NYNRIN: variants seen among roughly 807,000 people sequenced by gnomAD.
NYNRIN encodes NYN domain and retroviral integrase containing, also known as protein NYNRIN.
A neutral mutation model predicts 146.6 loss-of-function variants in NYNRIN; 86 were observed. The observed-to-expected ratio is 0.59, with a 90% confidence interval of 0.49 to 0.70. NYNRIN has a LOEUF of 0.70. NYNRIN is among the 30% of genes least tolerant of loss of function. The pLI is 0.00. For synonymous variants in NYNRIN, 1,027 were observed against 1,001.3 expected (o/e 1.03, Z -0.48); for missense variants, 2,191 against 2,377.7 (o/e 0.92, Z 1.63).
At position 24,409,090 on chromosome 14, in the gene NYNRIN, T is replaced by C; in HGVS notation, c.1296T>C (p.Gly432=). The C allele has an allele frequency of 6.2e-7, 1 of 1,613,678 alleles. No individual in the cohort carries two copies. Among genetic ancestry groups the C allele is most frequent in the South Asian group, 1.1e-5 (1 of 91,024 alleles). The change falls in exon 4 of 9, where the codon GGT becomes GGC. Residue 432 remains glycine (G), a synonymous_variant. Coordinates refer to ENST00000382554, the MANE Select transcript of NYNRIN (RefSeq NM_025081.3). ...APLPSAESPA[G]RPDGGLGGEA... is the part of the protein sequence containing the mutation. Reference sequence around the variant, plus strand: ...TGCCTAGTGCAGAAAGCCCAGCTGGTAGACCAGATGGGGGGCTGGGAGGAG... The same window carrying C: ...TGCCTAGTGCAGAAAGCCCAGCTGGCAGACCAGATGGGGGGCTGGGAGGAG...
chr14:24,408,564 T>C, intron 3 of NYNRIN, 37 bp downstream of exon 3: 1 of 1,542,148 alleles, frequency 6.5e-7, no homozygotes. Context: ...TCTCTGATCC[T>C]ACCCCTGCTC....
rs778031035 is a variant in NYNRIN, at chr14:24,399,366, C to T, written c.120C>T (p.Asn40=). ...AGCGCATCTTTAGGGTCAAGCTGAA[C>T]GCCTTCCAGAGCCGCCCGGACACCC... ...QVQRIFRVKL[N]AFQSRPDTPY... The change falls in exon 2 of 9, where the codon AAC becomes AAT. Residue 40 remains asparagine, a synonymous_variant. Coordinates refer to ENST00000382554, the MANE Select transcript of NYNRIN (RefSeq NM_025081.3). 6.2e-7 allele frequency: 1 copy of T among 1,613,854 alleles called. No individual in the cohort carries two copies. Among genetic ancestry groups the T allele is most frequent in the East Asian group, 2.2e-5 (1 of 44,868 alleles).
intron 2 of NYNRIN, among the ~76,000 whole-genome samples, chr14:24,401,297 C>T (rs2042841694): frequency 6.6e-6 from 1 of 152,206 alleles, no homozygotes; most frequent in Non-Finnish European, 1.5e-5. Context: ...CCCCCTTTGT[C>T]TTCCCTTTGG....
In NYNRIN at chr14:24,408,125, G is replaced by A. The variant is rs757243958; in HGVS notation, c.455G>A (p.Arg152Gln). ...GGCCCTGCCCCTCTGCTGACCCCCC[G>A]GGGGATCTGGGAGGCTGAGGTGACC... ...RWGPAPLLTP[R>Q]GIWEAEVTRA... Residue 152 changes from arginine (R) to glutamine (Q), a missense_variant, in exon 3 of 9, where the codon CGG becomes CAG. Physicochemically the swap from Arg to Gln is conservative, Grantham distance 43 (BLOSUM62 1). Transcript: ENST00000382554. 27 of 1,609,090 alleles carry A rather than the reference G, an allele frequency of 1.7e-5. No homozygotes were observed. Among genetic ancestry groups the A allele is most frequent in the Admixed American group, 6.7e-5 (4 of 59,716 alleles).
In NYNRIN at chr14:24,408,407, A is replaced by C; in HGVS notation, c.737A>C (p.Asp246Ala). 1 of 1,613,772 alleles carries C rather than the reference A, an allele frequency of 6.2e-7. No homozygotes were observed. The highest frequency in any genetic ancestry group is 8.5e-7 in the Non-Finnish European group (1 of 1,179,854). ...GGAGAGAGTCCTGGACCCTTTGTGG[A>C]CATGGGGACCCTCCAGAACAGGGGC... ...SVGESPGPFV[D>A]MGTLQNRGPE... Residue 246 changes from aspartate to alanine, a missense_variant, in exon 3 of 9, where the codon GAC (aspartate) becomes GCC (alanine). Asp to Ala is a moderately radical substitution (Grantham distance 126). Around this residue, in one of 3 missense-constraint regions of NYNRIN, gnomAD observed 895 missense variants for 941.2 expected, o/e 0.95. Coordinates refer to ENST00000382554, the MANE Select transcript of NYNRIN (RefSeq NM_025081.3).
Position 24,407,892 on chromosome 14 carries a change from C to T in NYNRIN, c.222C>T (p.Ser74=). 8 of 1,612,982 alleles carry T rather than the reference C, an allele frequency of 5.0e-6. No homozygotes were observed. The highest frequency in any genetic ancestry group is 6.8e-6 in the Non-Finnish European group (8 of 1,179,302). Residue 74 remains serine (S), a synonymous_variant, in exon 3 of 9, where the codon AGC becomes AGT. Coordinates refer to ENST00000382554, the MANE Select transcript of NYNRIN (RefSeq NM_025081.3). ...AGGAATACCTGAAGGGCCTGTGCAG[C>T]CCAGAGCTGTGGAAAGAGGTTCGCT... is the stretch of plus-strand genomic sequence containing the variant. ...KAKEYLKGLC[S]PELWKEVRYP... is the part of the protein sequence containing the mutation.
rs747732530 is a variant in NYNRIN, at chr14:24,411,255, TTC to T, written c.2545+55_2545+56del. 2 of 1,611,644 alleles carry T rather than the reference TTC, an allele frequency of 1.2e-6. No individual in the cohort carries two copies. Among genetic ancestry groups the T allele is most frequent in the Non-Finnish European group, 1.7e-6 (2 of 1,178,888 alleles). ...GCCTCCACAGTGTCACCAAGCTTTC[TTC>T]TCTCTGCCTTGCTGCCCCGACCCTC... On this transcript the variant is annotated intron_variant, in intron 5 of 8. Coordinates refer to ENST00000382554, the MANE Select transcript of NYNRIN (RefSeq NM_025081.3). The surrounding 1 kb of genome is among the most constrained non-coding windows in gnomAD (Gnocchi z 4.3).
Position 24,410,146 on chromosome 14 carries a change from A to G in NYNRIN, c.2352A>G (p.Ser784=). 6.2e-7 allele frequency: 1 copy of G among 1,613,042 alleles called. No homozygotes were observed. The highest frequency in any genetic ancestry group is 8.5e-7 in the Non-Finnish European group (1 of 1,179,278). ...ATACACCCTTCGAGCTGAACCTGTC[A>G]GGGGAACCTGGAAACCAGGGGTTGC... The part of the protein sequence containing the change: ...ALNTPFELNL[S]GEPGNQGLRR... The change falls in exon 4 of 9, where the codon TCA becomes TCG. Residue 784 remains serine (S), a synonymous_variant. Transcript: ENST00000382554.
intron 2 of NYNRIN, 105 bp from the exon 3 acceptor site, chr14:24,407,764 G>A: frequency 1.9e-6 from 2 of 1,071,770 alleles, no homozygotes; most frequent in Non-Finnish European, 2.7e-6. Context: ...TGGTAGTGGT[G>A]GGGCCACATG....
chr14:24,409,258 A>T lies in NYNRIN; in HGVS notation c.1464A>T (p.Gln488His), dbSNP rs2042895609. 6.2e-7 allele frequency: 1 copy of T among 1,613,892 alleles called. No homozygotes were observed. The highest frequency in any genetic ancestry group is 1.3e-5 in the African/African-American group (1 of 74,944). The change falls in exon 4 of 9, where the codon CAA becomes CAT. Residue 488 changes from glutamine to histidine, a missense_variant. By Grantham distance (24) the Gln-to-His change is conservative (BLOSUM62 0). Transcript: ENST00000382554. Reference sequence around the variant, plus strand: ...GGCCACCCTTGACCTCTACACCCCAACTACAGGCTGGAGGTGAGCCGGGGG... The same window carrying T: ...GGCCACCCTTGACCTCTACACCCCATCTACAGGCTGGAGGTGAGCCGGGGG... ...QIGPPLTSTPQLQAGGEPGDQ... is the reference protein window; with the variant it reads ...QIGPPLTSTPHLQAGGEPGDQ...
At chr14:24,410,265 T>C (rs61475591) in intron 4 of NYNRIN, 57 bp downstream of exon 4, 20,513 of 1,395,808 alleles carry the variant, frequency 0.015, 1,005 homozygotes, top group East Asian at 0.11. Flanking sequence ...GGGCAGGGCA[T>C]CCCTGGGGGA....
Position 24,416,314 on chromosome 14 carries a change from T to C in NYNRIN, c.4565T>C (p.Leu1522Pro). The C allele has an allele frequency of 6.2e-7, 1 of 1,613,854 alleles. No individual in the cohort carries two copies. Among genetic ancestry groups the C allele is most frequent in the Non-Finnish European group, 8.5e-7 (1 of 1,179,842 alleles). The change falls in exon 9 of 9, where the codon CTG becomes CCG. Residue 1522 changes from leucine (L) to proline (P), a missense_variant. Around this residue, in one of 3 missense-constraint regions of NYNRIN, gnomAD observed 1,291 missense variants for 1,417.0 expected, o/e 0.91. Transcript: ENST00000382554. ...CTCAGCCTCGACAAGGAGAGTGGCC[T>C]GCTTATGTTCAAGGGAGATAAGAAG... Reference protein sequence around the residue: ...NSLSLDKESGLLMFKGDKKPR... With the variant: ...NSLSLDKESGPLMFKGDKKPR...
rs62000678 is a variant in NYNRIN at position 24,410,185 on chromosome 14, C to T, written c.2391C>T (p.Ile797=). The T allele has an allele frequency of 0.03, 48,006 of 1,604,152 alleles. 898 individuals are homozygous for T. Among genetic ancestry groups the T allele is most frequent in the Non-Finnish European group, 0.035 (40,579 of 1,173,578 alleles). The change falls in exon 4 of 9, where the codon ATC becomes ATT. Residue 797 remains isoleucine (I), a synonymous_variant. Transcript: ENST00000382554. ...ACCAGGGGTTGCGGCGAGTGGTCAT[C>T]GATGGCAGCAGTGTGGCCATGGTGT... ...PGNQGLRRVV[I]DGSSVAMVHG...
In NYNRIN at chr14:24,408,882, C is replaced by T. The variant is rs1274926005; in HGVS notation, c.1088C>T (p.Ala363Val). ...GCCTTTGGGCCATTGTGGCCGGGGG[C>T]TATTGCTGCAACCTTCTGGAGGATC... ...GPAFGPLWPG[A>V]IAATFWRINE... The change falls in exon 4 of 9, where the codon GCT becomes GTT. Residue 363 changes from alanine to valine, a missense_variant. Physicochemically the swap from Ala to Val is moderately conservative, Grantham distance 64 (BLOSUM62 0). Transcript: ENST00000382554. 2 of 1,614,024 alleles carry T rather than the reference C, an allele frequency of 1.2e-6. No individual in the cohort carries two copies. Among genetic ancestry groups the T allele is most frequent in the South Asian group, 1.1e-5 (1 of 91,080 alleles).
rs535872115 is a variant in NYNRIN, at chr14:24,414,822, T to A, written c.3073T>A (p.Ser1025Thr). The A allele has an allele frequency of 2.2e-5, 36 of 1,613,526 alleles. No individual in the cohort carries two copies. In the South Asian group the frequency reaches 3.8e-4, roughly 17 times the overall value. The part of the protein sequence containing the change: ...EEDDLDSSLA[S>T]VFRVECPSLS... Reference sequence around the variant, plus strand: ...GGACGACCTTGACTCTTCGCTGGCGTCAGTGTTCAGGGTGGAGTGCCCGTC... The same window carrying A: ...GGACGACCTTGACTCTTCGCTGGCGACAGTGTTCAGGGTGGAGTGCCCGTC... Residue 1025 changes from serine (S) to threonine (T), a missense_variant, in exon 9 of 9, where the codon TCA becomes ACA. Around this residue, in one of 3 missense-constraint regions of NYNRIN, gnomAD observed 1,291 missense variants for 1,417.0 expected, o/e 0.91. Coordinates refer to ENST00000382554, the MANE Select transcript of NYNRIN (RefSeq NM_025081.3).
chr14:24,408,695 G>A lies in NYNRIN; in HGVS notation c.901G>A (p.Glu301Lys). Residue 301 changes from glutamate to lysine, a missense_variant, in exon 4 of 9, where the codon GAA becomes AAA. Glu to Lys is a moderately conservative substitution (Grantham distance 56). This residue lies in a region of NYNRIN where 895 missense variants were observed against 941.2 expected (regional missense o/e 0.95). Coordinates refer to ENST00000382554, the MANE Select transcript of NYNRIN (RefSeq NM_025081.3). The part of the protein sequence containing the change: ...NQDGMDSAQE[E>K]GTVQATSSQD... ...AGATGGTATGGACAGTGCTCAAGAG[G>A]AAGGGACAGTGCAAGCCACCAGCAG... 1 of 1,613,318 alleles carries A rather than the reference G, an allele frequency of 6.2e-7. No homozygotes were observed. The highest frequency in any genetic ancestry group is 1.1e-5 in the South Asian group (1 of 90,942).
chr14:24,415,454 C>T lies in NYNRIN; in HGVS notation c.3705C>T (p.Ala1235=). The T allele has an allele frequency of 6.2e-7, 1 of 1,613,970 alleles. No homozygotes were observed. Among genetic ancestry groups the T allele is most frequent in the South Asian group, 1.1e-5 (1 of 91,086 alleles). The part of the protein sequence containing the change: ...DTPVVLDLSY[A]SRTTADPEVR... ...CGGTGGTCCTGGACCTTTCCTATGCCTCCCGGACCACTGCGGACCCTGAGG... is the reference window on the plus strand; with the variant it reads ...CGGTGGTCCTGGACCTTTCCTATGCTTCCCGGACCACTGCGGACCCTGAGG... The change falls in exon 9 of 9, where the codon GCC becomes GCT. Residue 1235 remains alanine (A), a synonymous_variant. Coordinates refer to ENST00000382554, the MANE Select transcript of NYNRIN (RefSeq NM_025081.3).
intron 4 of NYNRIN, among the ~76,000 whole-genome samples, 194 bp downstream of exon 4, chr14:24,410,402 C>G: frequency 6.6e-6 from 1 of 152,178 alleles, no homozygotes; most frequent in East Asian, 1.9e-4. Flanking sequence ...TCATAGCAGC[C>G]CTCAAGGGCA....
At chr14:24,403,166 A>G (rs1480059067) in intron 2 of NYNRIN, among the ~76,000 whole-genome samples, 1 of 152,238 alleles carries the variant, frequency 6.6e-6, no homozygotes, top group Admixed American at 6.5e-5. Context: ...ACATCGAAGC[A>G]CTGAAGTGTA....
Sources: allele counts gnomAD v4.1 joint callset (sites outside exome capture counted in the v4.1 genomes callset), GRCh38; gene constraint gnomAD v4.1.1; regional missense constraint gnomAD v4.1.1; non-coding constraint Gnocchi (gnomAD v3.1); transcripts MANE v1.5; gene names NCBI Gene and HGNC (gene_info 2026-07-23, HGNC 2026-07-21).